Variants in APTX observed in about 807,000 individuals in gnomAD.
The protein encoded by APTX is forkhead-associated domain histidine triad-like protein.
Under a neutral mutation model 42.3 loss-of-function variants are expected in APTX, and 33 were observed. The observed-to-expected ratio is 0.78, with a 90% confidence interval of 0.59 to 1.04. The LOEUF is 1.04. APTX is among the 50% of genes least tolerant of loss of function. APTX has a pLI of 0.00. For missense variants in APTX, 421 were observed against 415.1 expected (o/e 1.01, Z -0.12); for synonymous variants, 130 against 146.7 (o/e 0.89, Z 0.82).
intron 1 of APTX, among the ~76,000 whole-genome samples, chr9:33,016,885 T>C (rs1375529120): frequency 2.0e-5 from 3 of 152,196 alleles, no homozygotes; most frequent in African/African-American, 7.2e-5. Context: ...CACAACTATA[T>C]GCCCAGTACC....
At chr9:33,018,141 C>G (rs1838051986) in intron 1 of APTX, among the ~76,000 whole-genome samples, 1 of 149,432 alleles carries the variant, frequency 6.7e-6, no homozygotes, top group African/African-American at 2.5e-5. Context: ...TGAGACGACT[C>G]ACTCTGTCAC....
chr9:32,979,012 T>C (rs1426685031), intron 6 of APTX, among the ~76,000 whole-genome samples: 3 of 152,242 alleles, frequency 2.0e-5, no homozygotes, highest in Non-Finnish European at 4.4e-5. Context: ...CTCCTTTTTT[T>C]CTATCATTAA....
chr9:32,987,814 G>T lies in APTX; in HGVS notation c.213C>A (p.Val71=). The part of the protein sequence containing the change: ...VGVNPTSIDS[V]VIGKDQEVKL... ...TCACCTCTTGGTCCTTCCCAATTACGACTGAGTCAATGCTGGTGGGATTGA... is the reference window on the plus strand; with the variant it reads ...TCACCTCTTGGTCCTTCCCAATTACTACTGAGTCAATGCTGGTGGGATTGA... The change falls in exon 4 of 8, where the codon GTC becomes GTA. Residue 71 remains valine, a synonymous_variant. Transcript: ENST00000379817. 6.2e-7 allele frequency: 1 copy of T among 1,613,744 alleles called. No homozygotes were observed. The highest frequency in any genetic ancestry group is 8.5e-7 in the Non-Finnish European group (1 of 1,180,022).
chr9:33,018,200 T>C (rs1443455101), intron 1 of APTX, among the ~76,000 whole-genome samples: 1 of 151,160 alleles, frequency 6.6e-6, no homozygotes, highest in Non-Finnish European at 1.5e-5. Context: ...AACCTCTGCC[T>C]GCTGGGTTCA....
chr9:32,993,889 T>C (rs1834228381), intron 1 of APTX, among the ~76,000 whole-genome samples: 1 of 152,064 alleles, frequency 6.6e-6, no homozygotes, highest in East Asian at 1.9e-4. Context: ...TGACTACTTT[T>C]TGTATTTTTA....
At chr9:32,986,064 A>G (rs1489962044) in intron 4 of APTX, 34 bp from the exon 5 acceptor site, 1 of 1,392,612 alleles carries the variant, frequency 7.2e-7, no homozygotes. Flanking sequence ...ACAAAAAAAA[A>G]AAAAAACAAG....
At chr9:33,019,829 C>T in intron 1 of APTX, 1 of 642,200 alleles carries the variant, frequency 1.6e-6, no homozygotes, top group South Asian at 2.0e-5. Flanking sequence ...GGCCAGGATC[C>T]TGCCGCTCAC....
rs772411998 is a variant in APTX at position 32,989,861 on chromosome 9, C to A, written c.31G>T (p.Asp11Tyr). 3 of 1,614,224 alleles carry A rather than the reference C, an allele frequency of 1.9e-6. No individual in the cohort carries two copies. The South Asian group carries it at 3.3e-5, about 18-fold the overall frequency. Residue 11 changes from aspartate (D) to tyrosine (Y), a missense_variant, in exon 2 of 8, where the codon GAC becomes TAC. Physicochemically the swap from Asp to Tyr is radical, Grantham distance 160. Transcript: ENST00000379817. Reference sequence around the variant, plus strand: ...AGTCTGATTCGCTGGTGCCGGCTGTCCTGTCTCACCAACCAGCACACCCGC... The same window carrying A: ...AGTCTGATTCGCTGGTGCCGGCTGTACTGTCTCACCAACCAGCACACCCGC... MMRVCWLVRQ[D>Y]SRHQRIRLPH...
chr9:33,019,654 TAGG>T (rs1285194090), intron 1 of APTX: 2 of 435,386 alleles, frequency 4.6e-6, no homozygotes, highest in Non-Finnish European at 8.4e-6. Context: ...ATGCACTGCC[TAGG>T]AGGAGACGCA....
At chr9:32,975,315 TC>T (rs1208403556) in intron 6 of APTX, among the ~76,000 whole-genome samples, 7 of 131,968 alleles carry the variant, frequency 5.3e-5, no homozygotes, top group Non-Finnish European at 7.4e-5. Flanking sequence ...TGATTTATAC[TC>T]TTTTTTTTTG....
chr9:33,023,093 T>C (rs533423534), intron 1 of APTX, among the ~76,000 whole-genome samples: 2 of 152,256 alleles, frequency 1.3e-5, no homozygotes, highest in South Asian at 4.1e-4. Flanking sequence ...CCTCCCAAAG[T>C]GCTGGGATTA....
upstream of APTX, among the ~76,000 whole-genome samples, chr9:33,006,226 GC>G (rs1259062923): frequency 2.0e-5 from 3 of 151,972 alleles, no homozygotes; most frequent in East Asian, 5.8e-4. Context: ...TTCAAGATCA[GC>G]CCAGCCAACA....
chr9:32,999,330 C>A lies in APTX; in HGVS notation c.-5+2237G>T, dbSNP rs552678235. Among the ~76,000 whole-genome samples, 3 of 152,276 alleles carry A rather than the reference C, an allele frequency of 2.0e-5. No homozygotes were observed. The South Asian group carries it at 6.2e-4, about 32-fold the overall frequency. ...ATGGAGGCAGAGTTCAGAATACTCA[C>A]TAAAACAGTTTGGATATAAAGAGAA... On this transcript the variant is annotated intron_variant, in intron 1 of 7. Transcript: ENST00000379817.
intron 1 of APTX, 155 bp downstream of exon 1, chr9:33,001,412 T>C (rs1160395026): frequency 6.5e-7 from 1 of 1,537,058 alleles, no homozygotes; most frequent in African/African-American, 1.4e-5. Context: ...CCCAAGGTAG[T>C]AACAGGGGAG....
At chr9:32,978,853 T>C (rs141345305) in intron 6 of APTX, among the ~76,000 whole-genome samples, 30 of 152,332 alleles carry the variant, frequency 2.0e-4, no homozygotes, top group African/African-American at 7.0e-4. Flanking sequence ...TGACCCACTT[T>C]CTTACAACAG....
At chr9:32,993,563 G>C (rs894724307) in intron 1 of APTX, among the ~76,000 whole-genome samples, 5 of 152,118 alleles carry the variant, frequency 3.3e-5, no homozygotes, top group Admixed American at 6.5e-5. Flanking sequence ...CTCTGCATGA[G>C]AGTAATAATT....
upstream of APTX, among the ~76,000 whole-genome samples, chr9:33,004,857 A>G (rs142941697): frequency 0.071 from 10,718 of 150,260 alleles, 503 homozygotes; most frequent in Non-Finnish European, 0.11. Flanking sequence ...GGCCAGGCTG[A>G]TCTCAAACTC....
At position 32,988,738 on chromosome 9, in the gene APTX, G is replaced by C. The variant is rs74847194; in HGVS notation, c.134-609C>G. Among the ~76,000 whole-genome samples, 396 of 143,878 alleles carry C rather than the reference G, an allele frequency of 2.8e-3. 2 individuals are homozygous for C. Among genetic ancestry groups the C allele is most frequent in the African/African-American group, 9.7e-3 (381 of 39,322 alleles). 94.4% of individuals were successfully genotyped at this position (143,878 alleles called of 152,430 possible). A position where few individuals can be genotyped will look rare whatever the true frequency, so the allele number is the denominator to read the frequency against. ...AGATCCATTTCTCACACGAACTCTTGACCAAGGATTAAATCAGGCTTCCAC... is the reference window on the plus strand; with the variant it reads ...AGATCCATTTCTCACACGAACTCTTCACCAAGGATTAAATCAGGCTTCCAC... On this transcript the variant is annotated intron_variant, in intron 2 of 7. Transcript: ENST00000379817.
chr9:32,985,536 A>G (rs995800840), intron 5 of APTX, among the ~76,000 whole-genome samples: 6 of 151,902 alleles, frequency 3.9e-5, no homozygotes, highest in African/African-American at 1.5e-4. Flanking sequence ...GGGTTTCTCC[A>G]TGTTGGTCAG....
Sources: gnomAD v4.1 joint callset for allele counts (sites outside exome capture counted in the v4.1 genomes callset) on GRCh38, gnomAD v4.1.1 for gene constraint, MANE v1.5 for transcripts, NCBI Gene and HGNC (gene_info 2026-07-23, HGNC 2026-07-21) for gene names.